Variants in CTCFL observed in about 807,000 individuals in gnomAD.
CTCFL encodes transcriptional repressor CTCFL.
CTCFL carries 36 observed loss-of-function variants against 67.4 expected under a neutral mutation model. The ratio of observed to expected loss-of-function variants is 0.53; its 90% CI spans 0.41 to 0.71. The LOEUF (loss-of-function observed/expected upper bound fraction) is 0.71. Among genes scored for constraint, CTCFL ranks in the 30% least tolerant of loss-of-function variants. CTCFL has a pLI of 0.00. For missense variants in CTCFL, 786 were observed against 835.2 expected (o/e 0.94, Z 0.73); for synonymous variants, 324 against 302.3 (o/e 1.07, Z -0.75).
At chr20:57,524,286 G>T (rs1322789236) in intron 1 of CTCFL, 70 bp from the exon 2 acceptor site, 4 of 1,526,610 alleles carry the variant, frequency 2.6e-6, no homozygotes, top group South Asian at 2.6e-5. Context: ...GATGCGGGGG[G>T]TGCTGGAACC....
chr20:57,502,304 G>A (rs1042940779), intron 10 of CTCFL, among the ~76,000 whole-genome samples: 1 of 152,270 alleles, frequency 6.6e-6, no homozygotes, highest in Non-Finnish European at 1.5e-5. Flanking sequence ...GGAGTGGGAA[G>A]GACTGCAGGA....
In CTCFL at chr20:57,508,666, A is replaced by T. The variant is rs891825694; in HGVS notation, c.1614T>A (p.Asp538Glu). ...TGTAAACAGTCGGGATGAAATTTGC[A>T]TCGTGGTATTTCCTGAAGTGAGCGT... The part of the protein sequence containing the change: ...LLNAHFRKYH[D>E]ANFIPTVYKC... The change falls in exon 9 of 11, where the codon GAT (aspartate) becomes GAA (glutamate). Residue 538 changes from aspartate to glutamate, a missense_variant. Coordinates refer to ENST00000243914, the MANE Select transcript of CTCFL (RefSeq NM_001386993.1). The T allele has an allele frequency of 6.2e-7, 1 of 1,614,176 alleles. No individual in the cohort carries two copies. Among genetic ancestry groups the T allele is most frequent in the Middle Eastern group, 1.6e-4 (1 of 6,062 alleles).
At position 57,498,401 on chromosome 20, in the gene CTCFL, A is replaced by G. The variant is rs2067759053; in HGVS notation, c.*149T>C. ...TCAAAGAAAATGCTAAAAATTTCTA[A>G]CTTGCTTTAGGAATTAGGGGCAGTG... On this transcript the variant is annotated 3_prime_UTR_variant, in exon 11 of 11. Transcript: ENST00000243914. The G allele has an allele frequency of 7.0e-7, 1 of 1,420,246 alleles. No homozygotes were observed. 88.0% of individuals were successfully genotyped at this position (1,420,246 alleles called of 1,614,324 possible). A position where few individuals can be genotyped will look rare whatever the true frequency, so the allele number is the denominator to read the frequency against.
At chr20:57,524,717 T>A (rs1418297843) in intron 1 of CTCFL, 2 of 997,548 alleles carry the variant, frequency 2.0e-6, no homozygotes, top group African/African-American at 3.5e-5. Context: ...CGAGCAGGCA[T>A]TCCCCTCGTG....
Position 57,498,497 on chromosome 20 carries a change from CTT to C in CTCFL, c.*51_*52del. The C allele has an allele frequency of 6.3e-7, 1 of 1,577,860 alleles. No individual in the cohort carries two copies. Among genetic ancestry groups the C allele is most frequent in the South Asian group, 1.2e-5 (1 of 85,628 alleles). On this transcript the variant is annotated 3_prime_UTR_variant, in exon 11 of 11. Coordinates refer to ENST00000243914, the MANE Select transcript of CTCFL (RefSeq NM_001386993.1). ...CATTTCACACCTTAAATGCTAAAAA[CTT>C]CTAACTTGCTTTAGGAATTGGGGGC...
chr20:57,498,495 A>G lies in CTCFL; in HGVS notation c.*55T>C. On this transcript the variant is annotated 3_prime_UTR_variant, in exon 11 of 11. Transcript: ENST00000243914. ...AGCATTTCACACCTTAAATGCTAAA[A>G]ACTTCTAACTTGCTTTAGGAATTGG... 3 of 1,572,420 alleles carry G rather than the reference A, an allele frequency of 1.9e-6. No individual in the cohort carries two copies. Among genetic ancestry groups the G allele is most frequent in the Non-Finnish European group, 2.6e-6 (3 of 1,156,106 alleles).
At chr20:57,515,945 G>A in intron 5 of CTCFL, 111 bp from the exon 6 acceptor site, 1 of 1,211,200 alleles carries the variant, frequency 8.3e-7, no homozygotes, top group Non-Finnish European at 1.1e-6. Flanking sequence ...TAACATCAGA[G>A]CACCAGAGCA....
chr20:57,503,926 C>CAGA (rs2068047735), intron 9 of CTCFL, among the ~76,000 whole-genome samples: 1 of 122,316 alleles, frequency 8.2e-6, no homozygotes, highest in Admixed American at 8.7e-5. Context: ...GCCTGAGTGA[C>CAGA]AGAAAAAAAA....
chr20:57,503,635 A>G (rs945846209), intron 9 of CTCFL, 34 bp from the exon 10 acceptor site: 9 of 1,610,608 alleles, frequency 5.6e-6, no homozygotes, highest in Admixed American at 1.7e-5. Context: ...ACACAAGGCG[A>G]GTGAGATGGG....
At chr20:57,514,025 T>C (rs1037407014) in intron 7 of CTCFL, among the ~76,000 whole-genome samples, 12 of 152,018 alleles carry the variant, frequency 7.9e-5, no homozygotes, top group Non-Finnish European at 1.3e-4. Context: ...CTCTGTGGGG[T>C]GTGACAGTTA....
chr20:57,509,229 G>A (rs1187026389), intron 8 of CTCFL, among the ~76,000 whole-genome samples: 1 of 151,460 alleles, frequency 6.6e-6, no homozygotes, highest in Admixed American at 6.6e-5. Flanking sequence ...AGTACCTTAA[G>A]TATCAACATT....
At position 57,508,586 on chromosome 20, in the gene CTCFL, T is replaced by C. The variant is rs755993131; in HGVS notation, c.1674+20A>G. On this transcript the variant is annotated intron_variant, in intron 9 of 10. Coordinates refer to ENST00000243914, the MANE Select transcript of CTCFL (RefSeq NM_001386993.1). Reference sequence around the variant, plus strand: ...AGGGATCTTTCCATGGGGGATTTACTGTGACTTAAGTAAGCTTACCCAGCG... The same window carrying C: ...AGGGATCTTTCCATGGGGGATTTACCGTGACTTAAGTAAGCTTACCCAGCG... 1.8e-5 allele frequency: 29 copies of C among 1,611,338 alleles called. No homozygotes were observed. Among genetic ancestry groups the C allele is most frequent in the Non-Finnish European group, 2.1e-5 (25 of 1,177,786 alleles).
chr20:57,497,951 T>G lies in CTCFL; in HGVS notation c.*599A>C. The G allele has an allele frequency of 2.1e-6, 2 of 941,272 alleles. No homozygotes were observed. The highest frequency in any genetic ancestry group is 2.5e-6 in the Non-Finnish European group (2 of 789,900). 58.3% of individuals were successfully genotyped at this position (941,272 alleles called of 1,614,324 possible). ...TATTTCATTTCCTACTCAGTTTTCC[T>G]TTTTATAAGAGTAAAACATTTTTTG... On this transcript the variant is annotated 3_prime_UTR_variant, in exon 11 of 11. Coordinates refer to ENST00000243914, the MANE Select transcript of CTCFL (RefSeq NM_001386993.1).
At chr20:57,518,695 A>G (rs1462587591) in intron 5 of CTCFL, 63 bp downstream of exon 5, 2 of 1,611,354 alleles carry the variant, frequency 1.2e-6, no homozygotes, top group East Asian at 2.2e-5. Flanking sequence ...TTACACTTGG[A>G]GTAACTTGTA....
chr20:57,497,721 A>T lies in CTCFL; in HGVS notation c.*829T>A. The stretch of plus-strand genomic sequence containing the variant: ...TTTTATGTTTCTTCTCACTCTGCCA[A>T]TTATTTTACAAATATAAAAAGAGTA... On this transcript the variant is annotated 3_prime_UTR_variant, in exon 11 of 11. Transcript: ENST00000243914. 3 of 985,206 alleles carry T rather than the reference A, an allele frequency of 3.0e-6. No homozygotes were observed. Among genetic ancestry groups the T allele is most frequent in the Non-Finnish European group, 3.6e-6 (3 of 829,708 alleles). 61.0% of individuals were successfully genotyped at this position (985,206 alleles called of 1,614,324 possible). A position where few individuals can be genotyped will look rare whatever the true frequency, so the allele number is the denominator to read the frequency against.
At chr20:57,501,931 T>A (rs2067937081) in intron 10 of CTCFL, among the ~76,000 whole-genome samples, 1 of 152,208 alleles carries the variant, frequency 6.6e-6, no homozygotes, top group Non-Finnish European at 1.5e-5. Context: ...TCTCTCCCTG[T>A]CAGATGGATG....
At position 57,501,034 on chromosome 20, in the gene CTCFL, T is replaced by G. The variant is rs1490850779; in HGVS notation, c.1841-2333A>C. Among the ~76,000 whole-genome samples the G allele has an allele frequency of 3.3e-5, 5 of 152,188 alleles. No individual in the cohort carries two copies. In the East Asian group the frequency reaches 7.7e-4, roughly 23 times the overall value. On this transcript the variant is annotated intron_variant, in intron 10 of 10. Coordinates refer to ENST00000243914, the MANE Select transcript of CTCFL (RefSeq NM_001386993.1). ...AGCCCGGCCTTGGGTTTCTACAATG[T>G]GCGCTGATGAACTGTGGGTCAAATT...
intron 10 of CTCFL, among the ~76,000 whole-genome samples, chr20:57,502,035 C>A (rs2067944477): frequency 6.6e-6 from 1 of 152,202 alleles, no homozygotes; most frequent in Non-Finnish European, 1.5e-5. Flanking sequence ...AAGGAGGGTG[C>A]TCCGCGCATG....
chr20:57,521,715 ATACAGGGATT>A (rs1464961398), intron 3 of CTCFL, among the ~76,000 whole-genome samples: 1 of 152,256 alleles, frequency 6.6e-6, no homozygotes, highest in Non-Finnish European at 1.5e-5. Flanking sequence ...TGCTATACCC[ATACAGGGATT>A]ATTACTTAGC....
Sources: allele counts gnomAD v4.1 joint callset (sites outside exome capture counted in the v4.1 genomes callset), GRCh38; gene constraint gnomAD v4.1.1; transcripts MANE v1.5; gene names NCBI Gene and HGNC (gene_info 2026-07-23, HGNC 2026-07-21).